The following COL6A6 variants were observed in gnomAD, a reference collection of about 807,000 sequenced individuals.
The protein encoded by COL6A6 is collagen type VI alpha 6 chain.
COL6A6 carries 183 observed loss-of-function variants against 208.6 expected under a neutral mutation model. The ratio of observed to expected loss-of-function variants is 0.88; its 90% CI spans 0.78 to 0.99. The LOEUF is 0.99. Among genes scored for constraint, COL6A6 ranks in the 50% least tolerant of loss-of-function variants. The pLI, the probability that COL6A6 is intolerant of heterozygous loss-of-function variation, is 0.00. For synonymous variants in COL6A6, 973 were observed against 1,011.8 expected (o/e 0.96, Z 0.73); for missense variants, 2,816 against 2,815.2 (o/e 1.00, Z -0.01).
At chr3:130,650,098 C>T (rs959738165) in intron 33 of COL6A6, among the ~76,000 whole-genome samples, 1 of 152,202 alleles carries the variant, frequency 6.6e-6, no homozygotes, top group African/African-American at 2.4e-5. Flanking sequence ...AGTAAAATCT[C>T]AAATGTGTTG....
intron 1 of COL6A6, among the ~76,000 whole-genome samples, chr3:130,523,726 GCAGCTCT>G (rs1241961856): frequency 2.0e-5 from 3 of 152,200 alleles, no homozygotes; most frequent in Non-Finnish European, 4.4e-5. Flanking sequence ...CTTTGATGTA[GCAGCTCT>G]GGGAGGAACC....
chr3:130,667,302 TC>T (rs1353579896), intron 36 of COL6A6, among the ~76,000 whole-genome samples: 1 of 152,222 alleles, frequency 6.6e-6, no homozygotes, highest in Non-Finnish European at 1.5e-5. Flanking sequence ...AGTGGCATGA[TC>T]TCAGCTCATT....
chr3:130,650,996 G>A (rs1468362367), intron 33 of COL6A6, among the ~76,000 whole-genome samples: 1 of 152,190 alleles, frequency 6.6e-6, no homozygotes. Flanking sequence ...TGAAAGTGTT[G>A]AAATAAGCAT....
At chr3:130,560,123 G>T (rs150696071) in intron 1 of COL6A6, among the ~76,000 whole-genome samples, 58 of 152,238 alleles carry the variant, frequency 3.8e-4, no homozygotes, top group African/African-American at 1.3e-3. Flanking sequence ...GTTTCTACTA[G>T]GTCTGGGGAC....
chr3:130,626,409 G>A (rs2064886439), intron 24 of COL6A6, 76 bp from the exon 25 acceptor site: 7 of 1,029,614 alleles, frequency 6.8e-6, no homozygotes, highest in Non-Finnish European at 3.1e-6. Flanking sequence ...ATTGTTGTGT[G>A]TGATCCACAC....
intron 1 of COL6A6, among the ~76,000 whole-genome samples, chr3:130,557,255 C>G (rs902072148): frequency 1.3e-5 from 2 of 152,188 alleles, no homozygotes; most frequent in African/African-American, 4.8e-5. Context: ...ACATACAAAG[C>G]TCCTTTTTGT....
chr3:130,651,995 A>G (rs1311828244), intron 33 of COL6A6, among the ~76,000 whole-genome samples: 2 of 152,194 alleles, frequency 1.3e-5, no homozygotes, highest in African/African-American at 2.4e-5. Context: ...GTTCATCTCA[A>G]AAGAGCACCA....
chr3:130,532,624 C>T (rs2062126917), intron 1 of COL6A6, among the ~76,000 whole-genome samples: 1 of 152,196 alleles, frequency 6.6e-6, no homozygotes, highest in Admixed American at 6.5e-5. Flanking sequence ...CTTGTGGACA[C>T]CTCAGATTCT....
At chr3:130,572,044 C>A (rs1306481821) in intron 7 of COL6A6, among the ~76,000 whole-genome samples, 1 of 152,058 alleles carries the variant, frequency 6.6e-6, no homozygotes, top group African/African-American at 2.4e-5. Context: ...TTTTTCCACC[C>A]ACTAGTTCTT....
chr3:130,520,445 G>A (rs931798174), intron 1 of COL6A6, among the ~76,000 whole-genome samples: 1 of 152,084 alleles, frequency 6.6e-6, no homozygotes, highest in African/African-American at 2.4e-5. Context: ...TTCTTGAGGT[G>A]ACCCCAAGGC....
chr3:130,625,459 A>G (rs185902003), intron 24 of COL6A6, among the ~76,000 whole-genome samples: 1 of 152,306 alleles, frequency 6.6e-6, no homozygotes, highest in Non-Finnish European at 1.5e-5. Flanking sequence ...ATCAAGGTTA[A>G]CATCAACACT....
chr3:130,572,539 T>G (rs767745276), intron 7 of COL6A6, among the ~76,000 whole-genome samples: 1 of 152,244 alleles, frequency 6.6e-6, no homozygotes, highest in Admixed American at 6.5e-5. Flanking sequence ...ACTATCTTTT[T>G]CTTTCACAAA....
Position 130,517,308 on chromosome 3 carries a change from T to C in COL6A6, c.-121T>C, listed in dbSNP as rs576293695. Among the ~76,000 whole-genome samples the C allele has an allele frequency of 1.1e-3, 166 of 152,300 alleles. No homozygotes were observed. The highest frequency in any genetic ancestry group is 3.8e-3 in the African/African-American group (157 of 41,584). On this transcript the variant is annotated 5_prime_UTR_variant, in exon 1 of 37. Transcript: ENST00000358511. ...GCACCAAACTCTGCGCTCCCCGCGG[T>C]GCGCCCTGCCCGCGCAGTGCGCGTC...
At chr3:130,550,533 T>G (rs2062618594) in intron 1 of COL6A6, among the ~76,000 whole-genome samples, 1 of 152,160 alleles carries the variant, frequency 6.6e-6, no homozygotes, top group African/African-American at 2.4e-5. Context: ...GCACTTACAG[T>G]TCCACATGGC....
intron 1 of COL6A6, among the ~76,000 whole-genome samples, chr3:130,553,528 T>G (rs2062695460): frequency 6.6e-6 from 1 of 152,208 alleles, no homozygotes; most frequent in Non-Finnish European, 1.5e-5. Context: ...AAATGACCAT[T>G]TCTTCTTTCA....
chr3:130,567,001 A>G lies in COL6A6; in HGVS notation c.1582A>G (p.Lys528Glu), dbSNP rs1560000364. Reference protein sequence around the residue: ...ALNFTLSLLQKAKKQRGNKVP... With the variant: ...ALNFTLSLLQEAKKQRGNKVP... ...GAATTTCACACTGAGTCTGTTGCAA[A>G]AAGCAAAGAAGCAGCGAGGAAACAA... Residue 528 changes from lysine to glutamate, a missense_variant, in exon 5 of 37, where the codon AAA (lysine) becomes GAA (glutamate). Physicochemically the swap from Lys to Glu is moderately conservative, Grantham distance 56. Transcript: ENST00000358511. The G allele has an allele frequency of 1.2e-6, 2 of 1,614,058 alleles. No homozygotes were observed. Among genetic ancestry groups the G allele is most frequent in the Non-Finnish European group, 1.7e-6 (2 of 1,179,896 alleles).
At chr3:130,588,265 A>G (rs965670543) in intron 11 of COL6A6, among the ~76,000 whole-genome samples, 1 of 152,258 alleles carries the variant, frequency 6.6e-6, no homozygotes, top group Non-Finnish European at 1.5e-5. Context: ...TCATTGCACT[A>G]GAAATTTATT....
chr3:130,528,887 C>T (rs1051934979), intron 1 of COL6A6, among the ~76,000 whole-genome samples: 3 of 152,124 alleles, frequency 2.0e-5, no homozygotes, highest in East Asian at 3.9e-4. Context: ...GTCGGAAGAT[C>T]GAAACCATCC....
chr3:130,518,790 C>T (rs1710895067), intron 1 of COL6A6, among the ~76,000 whole-genome samples: 1 of 152,080 alleles, frequency 6.6e-6, no homozygotes, highest in Non-Finnish European at 1.5e-5. Context: ...ACAGCAATTT[C>T]TCCCTCATTT....
Sources: allele counts gnomAD v4.1 joint callset (sites outside exome capture counted in the v4.1 genomes callset), GRCh38; gene constraint gnomAD v4.1.1; transcripts MANE v1.5; gene names NCBI Gene and HGNC (gene_info 2026-07-23, HGNC 2026-07-21).